DPY19L2: variants seen among roughly 807,000 people sequenced by gnomAD.
DPY19L2 encodes the protein probable C-mannosyltransferase DPY19L2.
A neutral mutation model predicts 97.9 loss-of-function variants in DPY19L2; 34 were observed. The observed-to-expected ratio is 0.35, with a 90% CI of 0.26 to 0.46. The LOEUF is 0.46. Ranked by LOEUF, DPY19L2 falls within the 20% of genes least tolerant of loss-of-function variation. DPY19L2 has a pLI of 1.00. For missense variants in DPY19L2, 623 were observed against 911.4 expected (o/e 0.68, Z 4.07); for synonymous variants, 230 against 307.9 (o/e 0.75, Z 2.65).
chr12:63,621,834 A>G (rs1888742936), intron 8 of DPY19L2, among the ~76,000 whole-genome samples: 1 of 152,162 alleles, frequency 6.6e-6, no homozygotes, highest in African/African-American at 2.4e-5. Flanking sequence ...TTAAAAAATC[A>G]TTCTAGAATT....
intron 16 of DPY19L2, among the ~76,000 whole-genome samples, chr12:63,593,250 G>C (rs1280505176): frequency 1.3e-5 from 2 of 152,152 alleles, no homozygotes; most frequent in East Asian, 1.9e-4. Flanking sequence ...CAAAGATCTA[G>C]AACTAGAAAT....
intron 4 of DPY19L2, among the ~76,000 whole-genome samples, chr12:63,654,591 C>A (rs1394418061): frequency 1.3e-5 from 2 of 151,868 alleles, no homozygotes; most frequent in Non-Finnish European, 2.9e-5. Context: ...GAACTCGCTT[C>A]AAATATAATA....
At position 63,643,126 on chromosome 12, in the gene DPY19L2, A is replaced by T. The variant is rs1252540901; in HGVS notation, c.803+1277T>A. ...ATGCTTACATCTAGTAACATTGTAA[A>T]TTTTCTTATTATTGCAAATACTGTA... On this transcript the variant is annotated intron_variant, in intron 6 of 21. Coordinates refer to ENST00000324472, the MANE Select transcript of DPY19L2 (RefSeq NM_173812.5). 1.6e-4 allele frequency among the ~76,000 whole-genome samples: 24 copies of T among 151,948 alleles called. 1 individual carries two copies. The highest frequency in any genetic ancestry group is 1.5e-5 in the Non-Finnish European group (1 of 67,988).
chr12:63,656,594 C>T (rs1218728255), intron 4 of DPY19L2, among the ~76,000 whole-genome samples: 2 of 152,148 alleles, frequency 1.3e-5, no homozygotes, highest in South Asian at 4.1e-4. Flanking sequence ...GTATCTGTCA[C>T]TAATTTTGGA....
At chr12:63,662,622 A>G (rs1176863992) in intron 3 of DPY19L2, among the ~76,000 whole-genome samples, 4 of 152,100 alleles carry the variant, frequency 2.6e-5, no homozygotes, top group Admixed American at 6.5e-5. Flanking sequence ...TGAGCAGACG[A>G]GATTACTGAG....
chr12:63,629,768 G>A (rs1468963440), intron 6 of DPY19L2, among the ~76,000 whole-genome samples: 1 of 152,074 alleles, frequency 6.6e-6, no homozygotes, highest in Non-Finnish European at 1.5e-5. Context: ...TAATTGTCAG[G>A]TTCACCAAAA....
intron 9 of DPY19L2, among the ~76,000 whole-genome samples, chr12:63,620,449 A>T (rs1396610342): frequency 2.6e-5 from 4 of 152,160 alleles, no homozygotes; most frequent in Non-Finnish European, 5.9e-5. Context: ...ATCTATAGGT[A>T]GATATATACA....
chr12:63,665,958 GAT>G (rs1365552103), intron 1 of DPY19L2, 99 bp from the exon 2 acceptor site: 4 of 1,103,354 alleles, frequency 3.6e-6, no homozygotes, highest in African/African-American at 3.2e-5. Context: ...TGTCTAGAAA[GAT>G]AGCACACAAA....
chr12:63,640,293 A>AT lies in DPY19L2; in HGVS notation c.803+4109dup, dbSNP rs554701995. On this transcript the variant is annotated intron_variant, in intron 6 of 21. Transcript: ENST00000324472. ...TGCAGCACACCAATATGGCACAAGT[A>AT]TACATATGTAACAAACCTGCACGTT... Among the ~76,000 whole-genome samples, 179 of 152,320 alleles carry AT rather than the reference A, an allele frequency of 1.2e-3. 1 individual carries two copies. The highest frequency in any genetic ancestry group is 3.9e-3 in the African/African-American group (161 of 41,564).
chr12:63,568,314 T>C (rs1432793765), intron 21 of DPY19L2, among the ~76,000 whole-genome samples: 2 of 152,112 alleles, frequency 1.3e-5, no homozygotes, highest in Non-Finnish European at 2.9e-5. Context: ...ATTATACTTT[T>C]CAGCTCTAGA....
chr12:63,588,231 G>A (rs968969259), intron 16 of DPY19L2, among the ~76,000 whole-genome samples: 9 of 152,094 alleles, frequency 5.9e-5, no homozygotes, highest in African/African-American at 9.7e-5. Context: ...GAATGACCTC[G>A]TTATGGACTA....
intron 16 of DPY19L2, among the ~76,000 whole-genome samples, chr12:63,593,031 A>T (rs113750201): frequency 6.6e-6 from 1 of 151,590 alleles, no homozygotes; most frequent in East Asian, 1.9e-4. Flanking sequence ...CAAAAAACAC[A>T]TGAAAAAATG....
At chr12:63,585,699 AAAAAT>A (rs2137399489) in intron 16 of DPY19L2, among the ~76,000 whole-genome samples, 1 of 152,266 alleles carries the variant, frequency 6.6e-6, no homozygotes, top group East Asian at 1.9e-4. Context: ...GTAGCTAATT[AAAAAT>A]GTGAATATAC....
At chr12:63,663,428 C>CT (rs1895943049) in intron 3 of DPY19L2, among the ~76,000 whole-genome samples, 1 of 152,154 alleles carries the variant, frequency 6.6e-6, no homozygotes, top group African/African-American at 2.4e-5. Flanking sequence ...AACATGGAAT[C>CT]TAACTGTAGC....
chr12:63,600,464 CA>C, intron 12 of DPY19L2, 78 bp from the exon 13 acceptor site: 1 of 1,234,956 alleles, frequency 8.1e-7, no homozygotes, highest in East Asian at 2.4e-5. Flanking sequence ...CTACAAATGA[CA>C]TAGAAAAAAT....
intron 13 of DPY19L2, among the ~76,000 whole-genome samples, chr12:63,598,173 G>A (rs1290768018): frequency 1.3e-5 from 2 of 151,912 alleles, no homozygotes; most frequent in African/African-American, 4.8e-5. Context: ...AGATGATAAA[G>A]AGTGAGCTAA....
At chr12:63,561,532 T>C (rs911426152) in intron 21 of DPY19L2, among the ~76,000 whole-genome samples, 6 of 152,084 alleles carry the variant, frequency 3.9e-5, no homozygotes, top group African/African-American at 1.4e-4. Context: ...CTTTTCATTT[T>C]TGGCTTCTTT....
At chr12:63,628,606 G>A (rs1890016217) in intron 6 of DPY19L2, among the ~76,000 whole-genome samples, 1 of 152,116 alleles carries the variant, frequency 6.6e-6, no homozygotes, top group South Asian at 2.1e-4. Context: ...AGCTCAACGA[G>A]GCCTCCCTGC....
chr12:63,657,699 C>A (rs1695373636), intron 4 of DPY19L2, among the ~76,000 whole-genome samples: 1 of 152,004 alleles, frequency 6.6e-6, no homozygotes, highest in African/African-American at 2.4e-5. Context: ...TGGGTGTGAG[C>A]AGAGTCTGAG....
Sources: gnomAD v4.1 joint callset for allele counts (sites outside exome capture counted in the v4.1 genomes callset) on GRCh38, gnomAD v4.1.1 for gene constraint, MANE v1.5 for transcripts, NCBI Gene and HGNC (gene_info 2026-07-23, HGNC 2026-07-21) for gene names.